Variants in TMX2 observed in about 807,000 individuals in gnomAD.
The protein encoded by TMX2 is thioredoxin-related transmembrane protein 2.
TMX2 carries 20 observed loss-of-function variants against 33.4 expected under a neutral mutation model. That is an observed-to-expected ratio of 0.60 (90% CI 0.42 to 0.87). The LOEUF is 0.87. Among genes scored for constraint, TMX2 ranks in the 40% least tolerant of loss-of-function variants. The pLI is 0.00. For missense variants in TMX2, 340 were observed against 370.7 expected, an observed-to-expected ratio of 0.92 and a Z score of 0.68; for synonymous variants, 166 against 140.7, an observed-to-expected ratio of 1.18 and a Z score of -1.27.
intron 1 of TMX2, among the ~76,000 whole-genome samples, chr11:57,716,608 T>A (rs1409203771): frequency 1.5e-5 from 1 of 68,914 alleles, no homozygotes. Flanking sequence ...GCTGGCCGGG[T>A]GGGGGGCTGA....
intron 1 of TMX2, among the ~76,000 whole-genome samples, chr11:57,725,737 C>T (rs1036968988): frequency 2.7e-5 from 4 of 149,618 alleles, no homozygotes; most frequent in Non-Finnish European, 5.9e-5. Flanking sequence ...ACTCTTATCT[C>T]GAAGAAAAAA....
At chr11:57,725,131 GATGTAAATCTGCTC>G (rs1947896669) in intron 1 of TMX2, among the ~76,000 whole-genome samples, 1 of 151,986 alleles carries the variant, frequency 6.6e-6, no homozygotes, top group Non-Finnish European at 1.5e-5. Context: ...TAAAACTGAA[GATGTAAATCTGCTC>G]ATGTAAATCC....
At chr11:57,732,621 G>T (rs1226638099) in intron 1 of TMX2, among the ~76,000 whole-genome samples, 1 of 152,104 alleles carries the variant, frequency 6.6e-6, no homozygotes, top group Admixed American at 6.6e-5. Context: ...AATGCTTAGG[G>T]TTAATAGCCA....
intron 1 of TMX2, among the ~76,000 whole-genome samples, chr11:57,733,348 C>A (rs72928102): frequency 6.7e-6 from 1 of 149,016 alleles, no homozygotes; most frequent in Non-Finnish European, 1.5e-5. Flanking sequence ...CTCCGCCTCT[C>A]GGGTTCAAGC....
intron 1 of TMX2, among the ~76,000 whole-genome samples, chr11:57,734,471 G>A (rs948125480): frequency 2.0e-5 from 3 of 152,210 alleles, no homozygotes; most frequent in African/African-American, 7.2e-5. Context: ...CTTTCAGCCA[G>A]GCACAGTGGC....
At chr11:57,724,124 T>C (rs1475683940) in intron 1 of TMX2, among the ~76,000 whole-genome samples, 1 of 152,068 alleles carries the variant, frequency 6.6e-6, no homozygotes, top group Non-Finnish European at 1.5e-5. Context: ...AAATTCTTAA[T>C]TTTAAATGCT....
At chr11:57,725,216 G>T (rs1246256779) in intron 1 of TMX2, among the ~76,000 whole-genome samples, 1 of 152,088 alleles carries the variant, frequency 6.6e-6, no homozygotes, top group Non-Finnish European at 1.5e-5. Context: ...ACTAAGCCCT[G>T]ACTTTTTAAG....
At chr11:57,720,504 G>A (rs558531511) in intron 1 of TMX2, among the ~76,000 whole-genome samples, 10 of 152,316 alleles carry the variant, frequency 6.6e-5, no homozygotes, top group Admixed American at 1.3e-4. Flanking sequence ...CAGATTAAGC[G>A]ATTCTCATAC....
At chr11:57,714,653 A>C (rs993568647) in intron 1 of TMX2, among the ~76,000 whole-genome samples, 1 of 151,996 alleles carries the variant, frequency 6.6e-6, no homozygotes, top group African/African-American at 2.4e-5. Flanking sequence ...GAGTGCAGTG[A>C]TGTGATCATG....
intron 1 of TMX2, among the ~76,000 whole-genome samples, chr11:57,734,384 A>G (rs1948613107): frequency 6.6e-6 from 1 of 152,124 alleles, no homozygotes; most frequent in Non-Finnish European, 1.5e-5. Context: ...TCCATAGACC[A>G]TTTTCTGTCC....
intron 1 of TMX2, among the ~76,000 whole-genome samples, chr11:57,720,286 G>A (rs1002512060): frequency 1.1e-4 from 17 of 152,060 alleles, no homozygotes; most frequent in African/African-American, 3.9e-4. Context: ...CTTTTGTATC[G>A]ATACATGTGT....
At chr11:57,723,823 T>TAATA (rs1947799214) in intron 1 of TMX2, among the ~76,000 whole-genome samples, 2 of 147,212 alleles carry the variant, frequency 1.4e-5, no homozygotes, top group African/African-American at 4.9e-5. Flanking sequence ...ATAATAATAA[T>TAATA]AATAATAATA....
intron 1 of TMX2, among the ~76,000 whole-genome samples, chr11:57,719,403 A>C (rs1168328803): frequency 1.3e-5 from 2 of 150,834 alleles, no homozygotes; most frequent in Non-Finnish European, 2.9e-5. Flanking sequence ...AAATTTTTTC[A>C]GTTCACTGAA....
chr11:57,728,701 T>G (rs1198860213), intron 1 of TMX2, among the ~76,000 whole-genome samples: 3 of 152,166 alleles, frequency 2.0e-5, no homozygotes, highest in Non-Finnish European at 2.9e-5. Flanking sequence ...TTCATCTGTG[T>G]CCATTTGTGT....
chr11:57,717,689 C>T lies in TMX2; in HGVS notation c.189+4882C>T, dbSNP rs990827585. ...CTTCGGCTCGGCATCAGAGGGAGAC[C>T]GTGGAAAGAGAGGGAGAGGGAGACC... On this transcript the variant is annotated intron_variant, in intron 1 of 7. Transcript: ENST00000278422. Among the ~76,000 whole-genome samples, 603 of 93,666 alleles carry T rather than the reference C, an allele frequency of 6.4e-3. 3 individuals are homozygous for T. The highest frequency in any genetic ancestry group is 0.024 in the African/African-American group (549 of 22,764). 61.4% of individuals were successfully genotyped at this position (93,666 alleles called of 152,430 possible).
intron 1 of TMX2, among the ~76,000 whole-genome samples, chr11:57,733,906 C>T (rs1343581807): frequency 6.6e-6 from 1 of 152,006 alleles, no homozygotes; most frequent in African/African-American, 2.4e-5. Flanking sequence ...TGCGGTGGCT[C>T]ACGCCTGTAA....
intron 1 of TMX2, among the ~76,000 whole-genome samples, chr11:57,723,963 A>G (rs1307367678): frequency 6.6e-6 from 1 of 151,684 alleles, no homozygotes; most frequent in Non-Finnish European, 1.5e-5. Flanking sequence ...CCAAGAAAAT[A>G]GTCAATATAG....
intron 1 of TMX2, among the ~76,000 whole-genome samples, chr11:57,721,028 G>T (rs1273611224): frequency 7.4e-5 from 11 of 149,108 alleles, no homozygotes; most frequent in African/African-American, 2.7e-4. Flanking sequence ...TTTTCCTCAG[G>T]CCAGGTACGG....
chr11:57,730,357 G>A (rs1328115358), intron 1 of TMX2, among the ~76,000 whole-genome samples: 6 of 145,084 alleles, frequency 4.1e-5, no homozygotes, highest in African/African-American at 1.5e-4. Flanking sequence ...AACCTGGGAG[G>A]TGGAGGTTGC....
Sources: gnomAD v4.1 joint callset for allele counts (sites outside exome capture counted in the v4.1 genomes callset) on GRCh38, gnomAD v4.1.1 for gene constraint, MANE v1.5 for transcripts, NCBI Gene and HGNC (gene_info 2026-07-23, HGNC 2026-07-21) for gene names.